The following IRAK2 variants were observed in gnomAD, a reference collection of about 807,000 sequenced individuals.
The protein encoded by IRAK2 is interleukin 1 receptor associated kinase 2.
A neutral mutation model predicts 72.0 loss-of-function variants in IRAK2; 57 were observed. The observed-to-expected ratio is 0.79, with a 90% CI of 0.64 to 0.99. The LOEUF is 0.99. Among genes scored for constraint, IRAK2 ranks in the 50% least tolerant of loss-of-function variants. The pLI is 0.00. For missense variants in IRAK2, 790 were observed against 794.4 expected (o/e 0.99, Z 0.07); for synonymous variants, 293 against 312.7 (o/e 0.94, Z 0.67).
chr3:10,208,239 C>T (rs540021363), intron 3 of IRAK2, among the ~76,000 whole-genome samples: 5 of 151,892 alleles, frequency 3.3e-5, no homozygotes, highest in Non-Finnish European at 5.9e-5. Flanking sequence ...TGCAAAGAGG[C>T]AATGAAAATG....
intron 3 of IRAK2, among the ~76,000 whole-genome samples, chr3:10,202,790 G>A (rs1012242183): frequency 2.4e-4 from 35 of 145,948 alleles, no homozygotes; most frequent in African/African-American, 8.6e-4. Context: ...TTCCCTGGCT[G>A]AAGCAATCCT....
chr3:10,214,189 A>G (rs11465898), intron 6 of IRAK2, among the ~76,000 whole-genome samples: 5,348 of 151,698 alleles, frequency 0.035, 152 homozygotes, highest in Non-Finnish European at 0.054. Context: ...TTGGCTTCCT[A>G]AAGTGCTGGG....
At chr3:10,184,357 T>C (rs981228272) in intron 2 of IRAK2, among the ~76,000 whole-genome samples, 6 of 152,218 alleles carry the variant, frequency 3.9e-5, no homozygotes, top group African/African-American at 9.6e-5. Context: ...ACGGTCCATT[T>C]TGGCCACCCA....
intron 10 of IRAK2, among the ~76,000 whole-genome samples, chr3:10,230,787 C>G (rs1697847995): frequency 6.6e-6 from 1 of 151,992 alleles, no homozygotes; most frequent in Non-Finnish European, 1.5e-5. Flanking sequence ...GAGTCTTGCT[C>G]TGTCGCCCAG....
intron 11 of IRAK2, among the ~76,000 whole-genome samples, chr3:10,237,632 C>T (rs1697985583): frequency 6.6e-6 from 1 of 151,552 alleles, no homozygotes; most frequent in South Asian, 2.1e-4. Context: ...ATGGTGAAAC[C>T]CTGTCTCTAC....
chr3:10,183,105 T>C (rs992681333), intron 2 of IRAK2, among the ~76,000 whole-genome samples: 17 of 152,170 alleles, frequency 1.1e-4, no homozygotes, highest in Non-Finnish European at 1.5e-5. Context: ...GTGTTAATGA[T>C]AAATTTGAAG....
At chr3:10,210,151 C>A (rs760293448) in intron 4 of IRAK2, among the ~76,000 whole-genome samples, 1 of 152,142 alleles carries the variant, frequency 6.6e-6, no homozygotes, top group Non-Finnish European at 1.5e-5. Context: ...GAACTCCTGA[C>A]GTCAGGTGAT....
chr3:10,229,378 T>C (rs1431754542), intron 10 of IRAK2, among the ~76,000 whole-genome samples: 5 of 152,300 alleles, frequency 3.3e-5, no homozygotes, highest in Middle Eastern at 3.4e-3. Flanking sequence ...GCCTCCCAAA[T>C]TGTGAGGATT....
rs533355906 is a variant in IRAK2, at chr3:10,219,053, T to C, written c.904-627T>C. Among the ~76,000 whole-genome samples, 9 of 152,088 alleles carry C rather than the reference T, an allele frequency of 5.9e-5. No individual in the cohort carries two copies. The South Asian group carries it at 1.7e-3, about 28-fold the overall frequency. On this transcript the variant is annotated intron_variant, in intron 7 of 12. Coordinates refer to ENST00000256458, the MANE Select transcript of IRAK2 (RefSeq NM_001570.4). The stretch of plus-strand genomic sequence containing the variant: ...TCTCCACGAAAAATACAAAAATTAG[T>C]TGAGAGTGGTGGCACGTGCCTGTGA...
At chr3:10,193,978 C>T (rs1697223635) in intron 2 of IRAK2, among the ~76,000 whole-genome samples, 1 of 152,272 alleles carries the variant, frequency 6.6e-6, no homozygotes, top group East Asian at 1.9e-4. Flanking sequence ...TAAATGCTTC[C>T]TTCGGAGGCC....
At chr3:10,185,012 T>A (rs1194432595) in intron 2 of IRAK2, among the ~76,000 whole-genome samples, 1 of 150,680 alleles carries the variant, frequency 6.6e-6, no homozygotes, top group Non-Finnish European at 1.5e-5. Flanking sequence ...ATTACAGGCG[T>A]GAGCCCCTGC....
chr3:10,221,598 C>A (rs1697694446), intron 8 of IRAK2, among the ~76,000 whole-genome samples: 1 of 151,948 alleles, frequency 6.6e-6, no homozygotes, highest in Admixed American at 6.6e-5. Context: ...TTTGCCCAGG[C>A]TGGAGTACAG....
chr3:10,209,663 A>C lies in IRAK2; in HGVS notation c.499A>C (p.Ser167Arg). 1 of 1,557,730 alleles carries C rather than the reference A, an allele frequency of 6.4e-7. No individual in the cohort carries two copies. The highest frequency in any genetic ancestry group is 8.7e-7 in the Non-Finnish European group (1 of 1,153,860). The part of the protein sequence containing the change: ...PEEDAPHSLR[S>R]DLPTSSDSKD... ...AGAAGATGCCCCTCATTCCTTGAGAAGCGACCTCCCCACTTCGTCTGATTC... is the reference window on the plus strand; with the variant it reads ...AGAAGATGCCCCTCATTCCTTGAGACGCGACCTCCCCACTTCGTCTGATTC... The change falls in exon 4 of 13, where the codon AGC becomes CGC. Residue 167 changes from serine to arginine, a missense_variant. By Grantham distance (110) the Ser-to-Arg change is moderately radical. Coordinates refer to ENST00000256458, the MANE Select transcript of IRAK2 (RefSeq NM_001570.4).
chr3:10,185,558 CAAAAAAAAAAAA>C (rs770606601), intron 2 of IRAK2, among the ~76,000 whole-genome samples: 1 of 70,114 alleles, frequency 1.4e-5, no homozygotes, highest in Non-Finnish European at 2.5e-5. Flanking sequence ...AACTCCGTCT[CAAAAAAAAAAAA>C]AAAAAAAAAG....
intron 11 of IRAK2, among the ~76,000 whole-genome samples, chr3:10,237,896 G>GTTA (rs1697990797): frequency 6.7e-6 from 1 of 148,834 alleles, no homozygotes; most frequent in South Asian, 2.2e-4. Context: ...ATTTGTTATT[G>GTTA]TTATTACGGG....
chr3:10,186,822 C>T (rs1697082125), intron 2 of IRAK2, among the ~76,000 whole-genome samples: 2 of 137,702 alleles, frequency 1.5e-5, no homozygotes, highest in Non-Finnish European at 3.0e-5. Flanking sequence ...GACAGAATCT[C>T]GCTTTGTTGC....
intron 4 of IRAK2, 81 bp downstream of exon 4, chr3:10,209,773 C>T: frequency 1.3e-6 from 1 of 773,410 alleles, no homozygotes; most frequent in Non-Finnish European, 2.0e-6. Flanking sequence ...TTTCTCTACC[C>T]CTTGAGACCA....
chr3:10,174,494 G>A (rs1696842490), intron 1 of IRAK2, among the ~76,000 whole-genome samples: 1 of 151,882 alleles, frequency 6.6e-6, no homozygotes. Context: ...CTTCTACTCG[G>A]CCCACCTATG....
At chr3:10,205,136 A>G (rs1023442221) in intron 3 of IRAK2, among the ~76,000 whole-genome samples, 1 of 152,224 alleles carries the variant, frequency 6.6e-6, no homozygotes, top group Admixed American at 6.5e-5. Flanking sequence ...TATGGAATCC[A>G]GGGAGATTTT....
Sources: gnomAD v4.1 joint callset for allele counts (sites outside exome capture counted in the v4.1 genomes callset) on GRCh38, gnomAD v4.1.1 for gene constraint, MANE v1.5 for transcripts, NCBI Gene and HGNC (gene_info 2026-07-23, HGNC 2026-07-21) for gene names.